FLG: variants seen among roughly 807,000 people sequenced by gnomAD.
FLG encodes the protein filaggrin, also known as epidermal filaggrin.
Under a neutral mutation model 3.8 loss-of-function variants are expected in FLG, and 6 were observed. The observed-to-expected ratio is 1.60, with a 90% CI of 0.87 to 3.15. FLG has a LOEUF of 3.15. Ranked by LOEUF, FLG falls within the 30% of genes most tolerant of loss-of-function variation. FLG has a pLI of 0.00. For synonymous variants in FLG, 2,551 were observed against 1,931.6 expected, an observed-to-expected ratio of 1.32 and a Z score of -8.41; for missense variants, 7,595 against 5,050.9, an observed-to-expected ratio of 1.50 and a Z score of -15.27.
rs761352191 is a variant in FLG, at chr1:152,310,407, C to T, written c.4479G>A (p.Pro1493=). The change falls in exon 3 of 3, where the codon CCG becomes CCA. Residue 1493 remains proline, a synonymous_variant. Transcript: ENST00000368799. ...CCTGCCTTCCTCCTCTGCTTGACCC[C>T]GGGTGTCCACGAATGGTGTCCTGAC... is the stretch of plus-strand genomic sequence containing the variant. ...QDGQDTIRGH[P]GSSRGGRQGS... 1.5e-5 allele frequency: 24 copies of T among 1,613,126 alleles called. No individual in the cohort carries two copies. The highest frequency in any genetic ancestry group is 4.4e-5 in the South Asian group (4 of 91,012).
Position 152,308,559 on chromosome 1 carries a change from G to A in FLG, c.6327C>T (p.Pro2109=), listed in dbSNP as rs769853707. 6.2e-7 allele frequency: 1 copy of A among 1,613,970 alleles called. No individual in the cohort carries two copies. The highest frequency in any genetic ancestry group is 8.5e-7 in the Non-Finnish European group (1 of 1,180,000). The change falls in exon 3 of 3, where the codon CCC becomes CCT. Residue 2109 remains proline, a synonymous_variant. Coordinates refer to ENST00000368799, the MANE Select transcript of FLG (RefSeq NM_002016.2). ...QSESTHGQSA[P]STGGRQGSHY... ...GGGATCCTTGTCTTCCTCCAGTGCT[G>A]GGCGCAGACTGTCCATGGGTGGACT... is the stretch of plus-strand genomic sequence containing the variant.
rs757686514 is a variant in FLG, at chr1:152,303,437, C to T, written c.11449G>A (p.Glu3817Lys). The change falls in exon 3 of 3, where the codon GAA (glutamate) becomes AAA (lysine). Residue 3817 changes from glutamate (E) to lysine (K), a missense_variant. Transcript: ENST00000368799. ...TGCCTGGAGCCGTCTCCTGACTGTT[C>T]CTCATTACGTGTTTCTCTGCTTGCA... ...RSASRETRNE[E>K]QSGDGSRHSG... 4 of 1,613,942 alleles carry T rather than the reference C, an allele frequency of 2.5e-6. No homozygotes were observed.
rs756757553 is a variant in FLG, at chr1:152,313,922, G to T, written c.964C>A (p.His322Asn). ...CTTGACTGCTCCCACGCAGATCCAT[G>T]ATGGTTTCTGGAAGCCGACCCAGAG... ...RHSGSASRNHHGSAWEQSRDG... is the reference protein window; with the variant it reads ...RHSGSASRNHNGSAWEQSRDG... The change falls in exon 3 of 3, where the codon CAT becomes AAT. Residue 322 changes from histidine (H) to asparagine (N), a missense_variant. Physicochemically the swap from His to Asn is moderately conservative, Grantham distance 68. Transcript: ENST00000368799. 3.7e-6 allele frequency: 6 copies of T among 1,613,846 alleles called. No individual in the cohort carries two copies. The East Asian group carries it at 1.1e-4, about 30-fold the overall frequency.
Position 152,312,716 on chromosome 1 carries a change from CTGAG to C in FLG, c.2166_2169del (p.His722GlnfsTer75). ...GATGAAGCTTGTCCGTGCCCAGTGC[CTGAG>C]TGTCTGGAGCTGTCTGCTGACTGGA... On this transcript the variant is annotated frameshift_variant, in exon 3 of 3. Coordinates refer to ENST00000368799, the MANE Select transcript of FLG (RefSeq NM_002016.2). LOFTEE classifies it low-confidence loss of function (END_TRUNC). 2 of 1,614,054 alleles carry C rather than the reference CTGAG, an allele frequency of 1.2e-6. No homozygotes were observed. The highest frequency in any genetic ancestry group is 8.5e-7 in the Non-Finnish European group (1 of 1,180,024).
Position 152,310,196 on chromosome 1 carries a change from G to T in FLG, c.4690C>A (p.Pro1564Thr), listed in dbSNP as rs768300379. Residue 1564 changes from proline to threonine, a missense_variant, in exon 3 of 3, where the codon CCT (proline) becomes ACT (threonine). Physicochemically the swap from Pro to Thr is conservative, Grantham distance 38. Coordinates refer to ENST00000368799, the MANE Select transcript of FLG (RefSeq NM_002016.2). ...CTAGAGCTGCCGGCCCGAGTGGAAGGTTCATGGTGACGTGACCCTGAGTGC... is the reference window on the plus strand; with the variant it reads ...CTAGAGCTGCCGGCCCGAGTGGAAGTTTCATGGTGACGTGACCCTGAGTGC... The part of the protein sequence containing the change: ...SRHSGSRHHE[P>T]STRAGSSRHS... The T allele has an allele frequency of 6.2e-7, 1 of 1,613,394 alleles. No homozygotes were observed. Among genetic ancestry groups the T allele is most frequent in the South Asian group, 1.1e-5 (1 of 90,886 alleles).
At chr1:152,323,925 A>G (rs1653061853) in intron 1 of FLG, among the ~76,000 whole-genome samples, 2 of 151,954 alleles carry the variant, frequency 1.3e-5, no homozygotes, top group Non-Finnish European at 2.9e-5. Flanking sequence ...TTATATTTTC[A>G]GATAACATAA....
Position 152,304,008 on chromosome 1 carries a change from A to C in FLG, c.10878T>G (p.His3626Gln), listed in dbSNP as rs745729300. 2.0e-5 allele frequency: 33 copies of C among 1,613,464 alleles called. No homozygotes were observed. The highest frequency in any genetic ancestry group is 2.6e-5 in the Non-Finnish European group (31 of 1,179,894). The change falls in exon 3 of 3, where the codon CAT (histidine) becomes CAG (glutamine). Residue 3626 changes from histidine (H) to glutamine (Q), a missense_variant. Transcript: ENST00000368799. ...CTGCTGACTGCTGGTGGTGGGATCC[A>C]TGTCTCTCTCCTGCACTTGATCTTG... ...EQARSSAGER[H>Q]GSHHQQSADS...
rs978192585 is a variant in FLG at position 152,304,205 on chromosome 1, T to C, written c.10681A>G (p.Arg3561Gly). 3.1e-6 allele frequency: 5 copies of C among 1,611,820 alleles called. No homozygotes were observed. The highest frequency in any genetic ancestry group is 4.2e-6 in the Non-Finnish European group (5 of 1,179,654). The stretch of plus-strand genomic sequence containing the variant: ...TCCTGAGCAGATCCACGATGGTTTC[T>C]GGAAGCAGACCCAGACCACCTCTCA... ...DSERWSGSASRNHRGSAQEQS... is the reference protein window; with the variant it reads ...DSERWSGSASGNHRGSAQEQS... The change falls in exon 3 of 3, where the codon AGA becomes GGA. Residue 3561 changes from arginine to glycine, a missense_variant. By Grantham distance (125) the Arg-to-Gly change is moderately radical. Transcript: ENST00000368799.
At position 152,304,831 on chromosome 1, in the gene FLG, G is replaced by T; in HGVS notation, c.10055C>A (p.Thr3352Lys). The stretch of plus-strand genomic sequence containing the variant: ...CTGTCCATGGCCTGACACTGACTGT[G>T]TGTCTGACTCTTCTGAATGTCCCTC... ...DSEGHSEESD[T>K]QSVSGHGQAG... is the part of the protein sequence containing the mutation. The change falls in exon 3 of 3, where the codon ACA (threonine) becomes AAA (lysine). Residue 3352 changes from threonine (T) to lysine (K), a missense_variant. Transcript: ENST00000368799. 6.2e-7 allele frequency: 1 copy of T among 1,613,862 alleles called. No homozygotes were observed. Among genetic ancestry groups the T allele is most frequent in the Non-Finnish European group, 8.5e-7 (1 of 1,179,998 alleles).
chr1:152,309,564 C>G lies in FLG; in HGVS notation c.5322G>C (p.Gln1774His). ...CTGTGCGTCCATGGGCGGACTCAGA[C>G]TGTTCATGAGTGCTCACCTGGTAGA... The part of the protein sequence containing the change: ...SFLYQVSTHE[Q>H]SESAHGRTGP... The change falls in exon 3 of 3, where the codon CAG (glutamine) becomes CAC (histidine). Residue 1774 changes from glutamine to histidine, a missense_variant. Gln to His is a conservative substitution (Grantham distance 24, BLOSUM62 0). Coordinates refer to ENST00000368799, the MANE Select transcript of FLG (RefSeq NM_002016.2). 3 of 1,613,944 alleles carry G rather than the reference C, an allele frequency of 1.9e-6. No homozygotes were observed. Among genetic ancestry groups the G allele is most frequent in the Non-Finnish European group, 2.5e-6 (3 of 1,179,978 alleles).
chr1:152,308,065 T>G lies in FLG; in HGVS notation c.6821A>C (p.Gln2274Pro). 6.2e-7 allele frequency: 1 copy of G among 1,614,132 alleles called. No homozygotes were observed. The highest frequency in any genetic ancestry group is 8.5e-7 in the Non-Finnish European group (1 of 1,180,014). The change falls in exon 3 of 3, where the codon CAG becomes CCG. Residue 2274 changes from glutamine to proline, a missense_variant. Physicochemically the swap from Gln to Pro is moderately conservative, Grantham distance 76. Transcript: ENST00000368799. The stretch of plus-strand genomic sequence containing the variant: ...GGGGTGTCTGGAGCCATCTCTTGAC[T>G]GCTCCTGAGCAGATCCATGATGGTT... The part of the protein sequence containing the change: ...SRNHHGSAQE[Q>P]SRDGSRHPRS...
Position 152,309,827 on chromosome 1 carries a change from G to C in FLG, c.5059C>G (p.Gln1687Glu). The change falls in exon 3 of 3, where the codon CAG becomes GAG. Residue 1687 changes from glutamine (Q) to glutamate (E), a missense_variant. By Grantham distance (29) the Gln-to-Glu change is conservative. Coordinates refer to ENST00000368799, the MANE Select transcript of FLG (RefSeq NM_002016.2). ...GAGTCTGTGGAGCTGTCTGCTGACT[G>C]CTGGTGGCGGGATCCATGTCTTTCT... ...PGERHGSRHQQSADSSTDSGT... is the reference protein window; with the variant it reads ...PGERHGSRHQESADSSTDSGT... 3.1e-6 allele frequency: 5 copies of C among 1,614,086 alleles called. No individual in the cohort carries two copies. Among genetic ancestry groups the C allele is most frequent in the Non-Finnish European group, 1.7e-6 (2 of 1,180,008 alleles).
At position 152,313,234 on chromosome 1, in the gene FLG, G is replaced by A. The variant is rs751565075; in HGVS notation, c.1652C>T (p.Ser551Phe). ...ATGGGAGGCATCAGACCTTCCCTGGGATGTGGTGTGGCTGTGATGGGAACC... is the reference window on the plus strand; with the variant it reads ...ATGGGAGGCATCAGACCTTCCCTGGAATGTGGTGTGGCTGTGATGGGAACC... ...HSGSHHSHTT[S>F]QGRSDASHGQ... Residue 551 changes from serine to phenylalanine, a missense_variant, in exon 3 of 3, where the codon TCC becomes TTC. Ser to Phe is a radical substitution (Grantham distance 155, BLOSUM62 -2). Coordinates refer to ENST00000368799, the MANE Select transcript of FLG (RefSeq NM_002016.2). 2 of 1,613,866 alleles carry A rather than the reference G, an allele frequency of 1.2e-6. No individual in the cohort carries two copies. Among genetic ancestry groups the A allele is most frequent in the Admixed American group, 3.3e-5 (2 of 60,002 alleles).
In FLG at chr1:152,312,564, G is replaced by A; in HGVS notation, c.2322C>T (p.Ser774=). 1 of 1,613,718 alleles carries A rather than the reference G, an allele frequency of 6.2e-7. No homozygotes were observed. Among genetic ancestry groups the A allele is most frequent in the Non-Finnish European group, 8.5e-7 (1 of 1,179,944 alleles). Residue 774 remains serine, a synonymous_variant, in exon 3 of 3, where the codon AGC becomes AGT. Coordinates refer to ENST00000368799, the MANE Select transcript of FLG (RefSeq NM_002016.2). Reference sequence around the variant, plus strand: ...ACCGGTCACGTGCGGACTCTTGGTGGCTCTGCTGATGGTGACCAGCCTGTC... The same window carrying A: ...ACCGGTCACGTGCGGACTCTTGGTGACTCTGCTGATGGTGACCAGCCTGTC... ...GHGQAGHHQQ[S]HQESARDRSG...
chr1:152,314,114 C>G lies in FLG; in HGVS notation c.772G>C (p.Glu258Gln). ...DSLLEENKIY[E>Q]RSRSSDGKSS... is the part of the protein sequence containing the mutation. ...TTGCCATCAGATGACCTTGATCTTT[C>G]ATATATTTTGTTTTCTTCTAATAGA... The change falls in exon 3 of 3, where the codon GAA becomes CAA. Residue 258 changes from glutamate to glutamine, a missense_variant. By Grantham distance (29) the Glu-to-Gln change is conservative (BLOSUM62 2). Coordinates refer to ENST00000368799, the MANE Select transcript of FLG (RefSeq NM_002016.2). The G allele has an allele frequency of 6.2e-7, 1 of 1,614,126 alleles. No homozygotes were observed. Among genetic ancestry groups the G allele is most frequent in the Non-Finnish European group, 8.5e-7 (1 of 1,179,980 alleles).
intron 1 of FLG, among the ~76,000 whole-genome samples, chr1:152,316,895 C>A (rs552617780): frequency 6.6e-6 from 1 of 152,270 alleles, no homozygotes; most frequent in East Asian, 1.9e-4. Flanking sequence ...CTGGCCAAAG[C>A]TTCAACAACT....
rs769085581 is a variant in FLG, at chr1:152,310,190, T to G, written c.4696A>C (p.Thr1566Pro). The G allele has an allele frequency of 1.9e-6, 3 of 1,613,410 alleles. No homozygotes were observed. Among genetic ancestry groups the G allele is most frequent in the South Asian group, 1.1e-5 (1 of 90,894 alleles). Residue 1566 changes from threonine (T) to proline (P), a missense_variant, in exon 3 of 3, where the codon ACT becomes CCT. Transcript: ENST00000368799. ...GAGTGTCTAGAGCTGCCGGCCCGAG[T>G]GGAAGGTTCATGGTGACGTGACCCT... The part of the protein sequence containing the change: ...HSGSRHHEPS[T>P]RAGSSRHSQV...
In FLG at chr1:152,305,192, A is replaced by G. The variant is rs769177261; in HGVS notation, c.9694T>C (p.Ser3232Pro). 9 of 1,613,398 alleles carry G rather than the reference A, an allele frequency of 5.6e-6. No homozygotes were observed. In the South Asian group the frequency reaches 6.6e-5, roughly 12 times the overall value. Residue 3232 changes from serine to proline, a missense_variant, in exon 3 of 3, where the codon TCT becomes CCT. Transcript: ENST00000368799. ...EGHSEDSERWSGSASRNHRGS... is the reference protein window; with the variant it reads ...EGHSEDSERWPGSASRNHRGS... ...CGATGGTTTCTGGAAGCAGACCCAG[A>G]CCACCTCTCAGAGTCTTCTGAATGT...
rs763599249 is a variant in FLG at position 152,309,954 on chromosome 1, C to T, written c.4932G>A (p.Gly1644=). The stretch of plus-strand genomic sequence containing the variant: ...ATTGTCTGGAGCTCTCTGCAGAGTG[C>T]CCATGACTGGCTCTATCTTCTTGAT... The part of the protein sequence containing the change: ...RSHQEDRASH[G]HSAESSRQSG... The change falls in exon 3 of 3, where the codon GGG becomes GGA. Residue 1644 remains glycine (G), a synonymous_variant. Coordinates refer to ENST00000368799, the MANE Select transcript of FLG (RefSeq NM_002016.2). The T allele has an allele frequency of 1.2e-6, 2 of 1,614,036 alleles. No homozygotes were observed. Among genetic ancestry groups the T allele is most frequent in the South Asian group, 1.1e-5 (1 of 91,064 alleles).
Sources: allele counts gnomAD v4.1 joint callset (sites outside exome capture counted in the v4.1 genomes callset), GRCh38; gene constraint gnomAD v4.1.1; transcripts MANE v1.5; gene names NCBI Gene and HGNC (gene_info 2026-07-23, HGNC 2026-07-21).